RNF125: variants seen among roughly 807,000 people sequenced by gnomAD.
The protein encoded by RNF125 is E3 ubiquitin-protein ligase RNF125.
Under a neutral mutation model 26.0 loss-of-function variants are expected in RNF125, and 21 were observed. The ratio of observed to expected loss-of-function variants is 0.81; its 90% CI spans 0.57 to 1.16. The LOEUF (loss-of-function observed/expected upper bound fraction) is 1.16. Among genes scored for constraint, RNF125 ranks in the 50% most tolerant of loss-of-function variants. The probability of loss-of-function intolerance (pLI) is 0.00; values close to 1 mark genes in which losing one functional copy is unlikely to be tolerated. For missense variants in RNF125, 270 were observed against 299.4 expected (o/e 0.90, Z 0.72); for synonymous variants, 95 against 109.2 (o/e 0.87, Z 0.81).
intron 1 of RNF125, among the ~76,000 whole-genome samples, chr18:32,019,592 C>T (rs1010529428): frequency 1.1e-4 from 16 of 152,306 alleles, no homozygotes; most frequent in Admixed American, 1.3e-4. Context: ...TTTCCACCCC[C>T]ACCCCTGCTA....
At chr18:32,029,353 G>A (rs534096860) in intron 1 of RNF125, among the ~76,000 whole-genome samples, 3 of 151,952 alleles carry the variant, frequency 2.0e-5, no homozygotes, top group East Asian at 1.9e-4. Context: ...GAGGCTGGGT[G>A]TGGTGGTTCA....
At chr18:32,075,963 T>G (rs2039567823), downstream of RNF125, 2 of 1,513,948 alleles carry the variant, frequency 1.3e-6, no homozygotes, top group African/African-American at 2.7e-5. Context: ...CAGCTGAGGT[T>G]GTCAGTACAA....
chr18:32,079,234 A>G, the RNF125 span, among the ~76,000 whole-genome samples: 1 of 152,150 alleles, frequency 6.6e-6, no homozygotes, highest in East Asian at 1.9e-4. Context: ...AGGGAGAGAA[A>G]GAGAGAGAGA....
the RNF125 span, among the ~76,000 whole-genome samples, chr18:32,080,281 G>A: frequency 1.3e-5 from 2 of 152,086 alleles, no homozygotes; most frequent in Non-Finnish European, 2.9e-5. Context: ...TGCCCACCTC[G>A]GCCTCTCAAA....
At chr18:32,078,503 G>C in the RNF125 span, among the ~76,000 whole-genome samples, 1 of 152,052 alleles carries the variant, frequency 6.6e-6, no homozygotes, top group East Asian at 1.9e-4. Context: ...TGGGCACGGT[G>C]GCATGTGCCC....
At chr18:32,039,021 C>T (rs930060430) in intron 2 of RNF125, among the ~76,000 whole-genome samples, 2 of 151,780 alleles carry the variant, frequency 1.3e-5, no homozygotes, top group Non-Finnish European at 2.9e-5. Flanking sequence ...CCGCCTCGGA[C>T]TCCCAAAGTG....
intron 4 of RNF125, among the ~76,000 whole-genome samples, chr18:32,064,114 C>T (rs1054514707): frequency 2.6e-5 from 4 of 151,864 alleles, no homozygotes; most frequent in Non-Finnish European, 4.4e-5. Flanking sequence ...GCTGCCTCAG[C>T]CTCTGGAGTA....
At chr18:32,089,418 T>A in the RNF125 span, among the ~76,000 whole-genome samples, 4 of 152,182 alleles carry the variant, frequency 2.6e-5, no homozygotes, top group East Asian at 7.7e-4. Flanking sequence ...TAACCCAAAC[T>A]TAAAGGAACT....
intron 5 of RNF125, 25 bp downstream of exon 5, chr18:32,066,034 A>T (rs2039482392): frequency 7.0e-7 from 1 of 1,423,684 alleles, no homozygotes; most frequent in Non-Finnish European, 9.9e-7. Flanking sequence ...TTATTTTTAC[A>T]TTATGTTTTC....
chr18:32,084,393 G>A, the RNF125 span, among the ~76,000 whole-genome samples: 1 of 152,114 alleles, frequency 6.6e-6, no homozygotes, highest in Admixed American at 6.6e-5. Flanking sequence ...CAAGAACAGT[G>A]TCAAAGAAAA....
chr18:32,085,454 CT>C, the RNF125 span, among the ~76,000 whole-genome samples: 2 of 151,024 alleles, frequency 1.3e-5, no homozygotes, highest in South Asian at 4.2e-4. Context: ...AATCCCAGCA[CT>C]TTAAGAGGCC....
Position 32,068,438 on chromosome 18 carries a change from G to A in RNF125, c.*54G>A. The A allele has an allele frequency of 2.0e-6, 2 of 1,017,922 alleles. No homozygotes were observed. The highest frequency in any genetic ancestry group is 1.8e-5 in the Admixed American group (1 of 55,990). The allele number at this position is 1,017,922 out of a possible 1,614,324, so 63.1% of individuals were successfully genotyped here. A position where few individuals can be genotyped will look rare whatever the true frequency, so the allele number is the denominator to read the frequency against. ...ACTGAATTGCACCATTTAAGATGCT[G>A]CTTGAACAAATGGGAGGGAAGTTGT... On this transcript the variant is annotated 3_prime_UTR_variant, in exon 6 of 6. Transcript: ENST00000217740.
intron 4 of RNF125, among the ~76,000 whole-genome samples, chr18:32,045,953 C>G (rs901033756): frequency 2.0e-5 from 3 of 151,964 alleles, no homozygotes; most frequent in Admixed American, 2.0e-4. Flanking sequence ...CACATTATCT[C>G]TAACAGGTAA....
chr18:32,079,992 GA>G, the RNF125 span, among the ~76,000 whole-genome samples: 3 of 152,114 alleles, frequency 2.0e-5, no homozygotes, highest in Non-Finnish European at 4.4e-5. Context: ...GTAAAATGAA[GA>G]AAATGTTTAG....
intron 4 of RNF125, among the ~76,000 whole-genome samples, chr18:32,047,341 T>C (rs2039282485): frequency 1.3e-5 from 2 of 152,172 alleles, no homozygotes; most frequent in Non-Finnish European, 2.9e-5. Context: ...CTGGCCTGGA[T>C]TGTTAACCAG....
At chr18:32,028,311 A>T (rs2039057842) in intron 1 of RNF125, among the ~76,000 whole-genome samples, 1 of 150,110 alleles carries the variant, frequency 6.7e-6, no homozygotes, top group African/African-American at 2.4e-5. Flanking sequence ...AAAAAAAAAA[A>T]AAAAAAAAAA....
intron 3 of RNF125, among the ~76,000 whole-genome samples, chr18:32,042,772 C>T (rs893427825): frequency 1.8e-4 from 27 of 149,344 alleles, no homozygotes; most frequent in Non-Finnish European, 2.4e-4. Flanking sequence ...GATGGGTAAT[C>T]TCGTATGGGG....
chr18:32,085,629 G>T, the RNF125 span, among the ~76,000 whole-genome samples: 1 of 149,528 alleles, frequency 6.7e-6, no homozygotes, highest in Non-Finnish European at 1.5e-5. Context: ...TGAACCTGGG[G>T]GTGGAGGTTG....
chr18:32,080,257 G>A, the RNF125 span, among the ~76,000 whole-genome samples: 7 of 152,134 alleles, frequency 4.6e-5, no homozygotes, highest in African/African-American at 9.7e-5. Context: ...TCAAACTCCT[G>A]ACCTCAGGTG....
Sources: gnomAD v4.1 joint callset for allele counts (sites outside exome capture counted in the v4.1 genomes callset) on GRCh38, gnomAD v4.1.1 for gene constraint, MANE v1.5 for transcripts, NCBI Gene and HGNC (gene_info 2026-07-23, HGNC 2026-07-21) for gene names.